PDGFC: variants seen among roughly 807,000 people sequenced by gnomAD.
PDGFC encodes the protein platelet derived growth factor C.
Under a neutral mutation model 35.5 loss-of-function variants are expected in PDGFC, and 12 were observed. The ratio of observed to expected loss-of-function variants is 0.34; its 90% CI spans 0.22 to 0.55. The LOEUF is 0.55. Ranked by LOEUF, PDGFC falls within the 20% of genes least tolerant of loss-of-function variation. PDGFC has a pLI of 0.91. For missense variants in PDGFC, 322 were observed against 412.4 expected, an observed-to-expected ratio of 0.78 and a Z score of 1.90; for synonymous variants, 159 against 148.8, an observed-to-expected ratio of 1.07 and a Z score of -0.50.
At chr4:156,918,005 T>A (rs1731190469) in intron 1 of PDGFC, among the ~76,000 whole-genome samples, 1 of 152,190 alleles carries the variant, frequency 6.6e-6, no homozygotes, top group Non-Finnish European at 1.5e-5. Flanking sequence ...TGGATCTTGA[T>A]CTCTTTAGGT....
At chr4:156,889,825 T>C (rs992343513) in intron 1 of PDGFC, among the ~76,000 whole-genome samples, 1 of 152,216 alleles carries the variant, frequency 6.6e-6, no homozygotes, top group Non-Finnish European at 1.5e-5. Context: ...CTAGTGCATG[T>C]TACGTCTAAA....
rs1372670366 is a variant in PDGFC, at chr4:156,950,721, A to AC, written c.118+20064_118+20065insG. Among the ~76,000 whole-genome samples the AC allele has an allele frequency of 2.0e-5, 3 of 151,820 alleles. No homozygotes were observed. The East Asian group carries it at 5.8e-4, about 29-fold the overall frequency. ...AGCAATTTGAAAGCAGTGTTAAATC[A>AC]GAAAAAAAATCTATTTATACCCACA... is the stretch of plus-strand genomic sequence containing the variant. On this transcript the variant is annotated intron_variant, in intron 1 of 5. Transcript: ENST00000502773.
chr4:156,761,231 G>A lies in PDGFC; in HGVS notation c.*1859C>T, dbSNP rs1005237758. 1.3e-5 allele frequency: 2 copies of A among 152,210 alleles called. No homozygotes were observed. The highest frequency in any genetic ancestry group is 1.3e-4 in the Admixed American group (2 of 15,276). The allele number at this position is 152,210 out of a possible 1,614,324, so 9.4% of individuals were successfully genotyped here. A position where few individuals can be genotyped will look rare whatever the true frequency, so the allele number is the denominator to read the frequency against. ...GGAACCATATCTTGAAGTGTGCAAT[G>A]TACAATAATCCATGCACCAAATCAA... On this transcript the variant is annotated 3_prime_UTR_variant, in exon 6 of 6. Coordinates refer to ENST00000502773, the MANE Select transcript of PDGFC (RefSeq NM_016205.3).
At chr4:156,907,265 A>G (rs1213610369) in intron 1 of PDGFC, among the ~76,000 whole-genome samples, 1 of 152,210 alleles carries the variant, frequency 6.6e-6, no homozygotes, top group Admixed American at 6.5e-5. Flanking sequence ...GTTTTTATAC[A>G]TGTTGATTTT....
At chr4:156,885,664 A>AGAGTACTGCTTGGGCCAGGAGCTC (rs1174974070) in intron 1 of PDGFC, among the ~76,000 whole-genome samples, 1 of 152,036 alleles carries the variant, frequency 6.6e-6, no homozygotes. Flanking sequence ...GGCTGAGGTG[A>AGAGTACTGCTTGGGCCAGGAGCTC]GAGTACTGCT....
At chr4:156,821,376 C>T (rs1191910568) in intron 2 of PDGFC, among the ~76,000 whole-genome samples, 2 of 151,650 alleles carry the variant, frequency 1.3e-5, no homozygotes, top group Non-Finnish European at 2.9e-5. Context: ...ACTACAGGTG[C>T]GAGGCATCAC....
At chr4:156,915,180 T>A (rs1490065558) in intron 1 of PDGFC, among the ~76,000 whole-genome samples, 2 of 152,206 alleles carry the variant, frequency 1.3e-5, no homozygotes, top group Non-Finnish European at 2.9e-5. Flanking sequence ...CAAAACTTTA[T>A]AAATCTAAAC....
chr4:156,805,645 T>C (rs1193862444), intron 3 of PDGFC, among the ~76,000 whole-genome samples: 1 of 150,632 alleles, frequency 6.6e-6, no homozygotes, highest in Non-Finnish European at 1.5e-5. Context: ...TGTTTGAGAG[T>C]TGGTTGGAGT....
intron 1 of PDGFC, among the ~76,000 whole-genome samples, chr4:156,890,269 A>C (rs2111192387): frequency 6.6e-6 from 1 of 152,056 alleles, no homozygotes; most frequent in East Asian, 1.9e-4. Context: ...GGCAAGCAGA[A>C]TGGCAGGGAT....
At chr4:156,895,906 C>A (rs542504493) in intron 1 of PDGFC, among the ~76,000 whole-genome samples, 1 of 152,038 alleles carries the variant, frequency 6.6e-6, no homozygotes, top group South Asian at 2.1e-4. Flanking sequence ...ACATGATTAA[C>A]ATATTTAACA....
chr4:156,777,139 A>G (rs1323908563), intron 3 of PDGFC, among the ~76,000 whole-genome samples: 1 of 151,986 alleles, frequency 6.6e-6, no homozygotes, highest in Non-Finnish European at 1.5e-5. Flanking sequence ...CTACATTTAC[A>G]TATATATATA....
rs765847090 is a variant in PDGFC at position 156,772,901 on chromosome 4, T to C, written c.496-8A>G. 2.5e-6 allele frequency: 4 copies of C among 1,595,202 alleles called. No individual in the cohort carries two copies. Among genetic ancestry groups the C allele is most frequent in the South Asian group, 1.1e-5 (1 of 90,662 alleles). Reference sequence around the variant, plus strand: ...CACAGCTTCTGTGAATTGCTGAAAGTAAAATGAATCCTGTGTTAACTGTTT... The same window carrying C: ...CACAGCTTCTGTGAATTGCTGAAAGCAAAATGAATCCTGTGTTAACTGTTT... On this transcript the variant is annotated splice_polypyrimidine_tract_variant and splice_region_variant and intron_variant, in intron 3 of 5. Transcript: ENST00000502773.
At chr4:156,806,821 C>CA (rs1444044278) in intron 3 of PDGFC, among the ~76,000 whole-genome samples, 1 of 151,994 alleles carries the variant, frequency 6.6e-6, no homozygotes, top group African/African-American at 2.4e-5. Context: ...CTACAGTACA[C>CA]AGAGTAAAAC....
At chr4:156,936,196 C>T (rs2110892668) in intron 1 of PDGFC, among the ~76,000 whole-genome samples, 1 of 152,238 alleles carries the variant, frequency 6.6e-6, no homozygotes, top group African/African-American at 2.4e-5. Context: ...CACCCAACGT[C>T]GTAATAGAAT....
intron 1 of PDGFC, among the ~76,000 whole-genome samples, chr4:156,887,127 T>C (rs752451891): frequency 6.6e-6 from 1 of 152,308 alleles, no homozygotes; most frequent in East Asian, 1.9e-4. Flanking sequence ...TATTCAAATA[T>C]TCTAATGAAG....
chr4:156,802,516 G>C (rs1040175733), intron 3 of PDGFC, among the ~76,000 whole-genome samples: 1 of 151,674 alleles, frequency 6.6e-6, no homozygotes, highest in African/African-American at 2.4e-5. Flanking sequence ...AAGCAGAGTT[G>C]AGGGTATGGA....
intron 5 of PDGFC, among the ~76,000 whole-genome samples, chr4:156,763,457 G>T (rs192769390): frequency 6.6e-6 from 1 of 150,910 alleles, no homozygotes; most frequent in African/African-American, 2.4e-5. Flanking sequence ...ATAAGGAACA[G>T]TACTTAAATG....
intron 3 of PDGFC, among the ~76,000 whole-genome samples, chr4:156,796,395 C>T (rs2110898251): frequency 6.6e-6 from 1 of 150,968 alleles, no homozygotes; most frequent in Non-Finnish European, 1.5e-5. Context: ...TACCAAGTAT[C>T]AATGTCTGTT....
intron 1 of PDGFC, among the ~76,000 whole-genome samples, chr4:156,923,586 T>C (rs1190649121): frequency 2.0e-5 from 3 of 152,240 alleles, no homozygotes; most frequent in African/African-American, 7.2e-5. Flanking sequence ...TCAAGCCATC[T>C]TTTAAAATGA....
Sources: gnomAD v4.1 joint callset for allele counts (sites outside exome capture counted in the v4.1 genomes callset) on GRCh38, gnomAD v4.1.1 for gene constraint, MANE v1.5 for transcripts, NCBI Gene and HGNC (gene_info 2026-07-23, HGNC 2026-07-21) for gene names.